Variants in VGLL4 observed in about 807,000 individuals in gnomAD.
The protein encoded by VGLL4 is transcription cofactor vestigial-like protein 4.
Under a neutral mutation model 21.0 loss-of-function variants are expected in VGLL4, and 7 were observed. The ratio of observed to expected loss-of-function variants is 0.33; its 90% CI spans 0.19 to 0.63. VGLL4 has a LOEUF of 0.63. Ranked by LOEUF, VGLL4 falls within the 20% of genes least tolerant of loss-of-function variation. The pLI is 0.78. For missense variants in VGLL4, 394 were observed against 425.7 expected, an observed-to-expected ratio of 0.93 and a Z score of 0.66; for synonymous variants, 222 against 173.2, an observed-to-expected ratio of 1.28 and a Z score of -2.21.
intron 1 of VGLL4, among the ~76,000 whole-genome samples, chr3:11,720,059 A>C (rs1207621786): frequency 6.6e-6 from 1 of 151,896 alleles, no homozygotes; most frequent in African/African-American, 2.4e-5. Context: ...CCACGCGCGC[A>C]CAGTAGGTCC....
chr3:11,642,764 C>G (rs1559919124), intron 1 of VGLL4, among the ~76,000 whole-genome samples: 1 of 152,338 alleles, frequency 6.6e-6, no homozygotes, highest in East Asian at 1.9e-4. Context: ...GCGGCTCTCT[C>G]TTTTTCAGGG....
At chr3:11,703,646 TACAGCATACTATAAAAGCTAA>T (rs1436588242) in intron 1 of VGLL4, among the ~76,000 whole-genome samples, 1 of 152,238 alleles carries the variant, frequency 6.6e-6, no homozygotes, top group African/African-American at 2.4e-5. Context: ...TTCCTTAAAT[TACAGCATACTATAAAAGCTAA>T]AACAGCAAAA....
intron 2 of VGLL4, among the ~76,000 whole-genome samples, chr3:11,596,872 T>C (rs2074658368): frequency 6.6e-6 from 1 of 152,086 alleles, no homozygotes; most frequent in South Asian, 2.1e-4. Flanking sequence ...ATGTAATCCA[T>C]AGTAACGATA....
At chr3:11,688,276 T>C (rs2076479392) in intron 2 of VGLL4, among the ~76,000 whole-genome samples, 1 of 152,208 alleles carries the variant, frequency 6.6e-6, no homozygotes, top group Non-Finnish European at 1.5e-5. Flanking sequence ...TTTAGTATCA[T>C]GTTATATTAG....
Position 11,561,501 on chromosome 3 carries a change from G to A in VGLL4, c.496-2046C>T, listed in dbSNP as rs1380791778. 6.6e-5 allele frequency among the ~76,000 whole-genome samples: 10 copies of A among 152,138 alleles called. 1 individual carries two copies. The highest frequency in any genetic ancestry group is 6.5e-4 in the Admixed American group (10 of 15,274). On this transcript the variant is annotated intron_variant, in intron 3 of 4. Transcript: ENST00000430365. ...CTCCTCCCCACAACCCAGGCTGCAGGGTGGCCCGTGAGCCCTCGTGGGACT... is the reference window on the plus strand; with the variant it reads ...CTCCTCCCCACAACCCAGGCTGCAGAGTGGCCCGTGAGCCCTCGTGGGACT...
chr3:11,663,945 A>G (rs1397415593), intron 2 of VGLL4, among the ~76,000 whole-genome samples: 1 of 152,160 alleles, frequency 6.6e-6, no homozygotes, highest in Non-Finnish European at 1.5e-5. Context: ...CCAACCTAAT[A>G]CAATGTAATG....
In VGLL4 at chr3:11,565,613, C is replaced by T. The variant is rs950488369; in HGVS notation, c.273-594G>A. Among the ~76,000 whole-genome samples, 13 of 152,228 alleles carry T rather than the reference C, an allele frequency of 8.5e-5. No individual in the cohort carries two copies. Among genetic ancestry groups the T allele is most frequent in the Non-Finnish European group, 1.3e-4 (9 of 68,040 alleles). ...CAGCTGACATGTGGTGGCACGTGCTCTGGGGTTCCCGGGGTGCTGTAGGGA... is the reference window on the plus strand; with the variant it reads ...CAGCTGACATGTGGTGGCACGTGCTTTGGGGTTCCCGGGGTGCTGTAGGGA... On this transcript the variant is annotated intron_variant, in intron 2 of 4. Coordinates refer to ENST00000430365, the MANE Select transcript of VGLL4 (RefSeq NM_001128219.3). The surrounding 1 kb of genome is among the most constrained non-coding windows in gnomAD (Gnocchi z 4.1).
upstream of VGLL4, among the ~76,000 whole-genome samples, chr3:11,645,694 G>A (rs755470628): frequency 1.1e-4 from 16 of 150,528 alleles, no homozygotes; most frequent in South Asian, 2.1e-4. Flanking sequence ...TTGGGAGTCC[G>A]GATGCGGTGG....
chr3:11,721,623 A>T (rs1263090521), upstream of VGLL4, among the ~76,000 whole-genome samples: 1 of 152,222 alleles, frequency 6.6e-6, no homozygotes, highest in African/African-American at 2.4e-5. Flanking sequence ...CCTGAGAAAG[A>T]CTGTAAATAG....
chr3:11,602,077 TC>T, intron 1 of VGLL4, 55 bp from the exon 2 acceptor site: 1 of 1,415,790 alleles, frequency 7.1e-7, no homozygotes, highest in Non-Finnish European at 9.2e-7. Context: ...CCCATCTCAG[TC>T]CCCCAGGCTC....
intron 1 of VGLL4, chr3:11,612,618 C>T (rs1007469087): frequency 2.0e-5 from 3 of 152,222 alleles, no homozygotes; most frequent in African/African-American, 7.2e-5. Flanking sequence ...ATTCCCTAGA[C>T]TCTGGCTCTC....
intron 3 of VGLL4, among the ~76,000 whole-genome samples, chr3:11,561,012 G>C (rs1338169121): frequency 6.6e-6 from 1 of 152,018 alleles, no homozygotes; most frequent in African/African-American, 2.4e-5. Context: ...AGAATACCGA[G>C]ACCTGGACAC....
At chr3:11,643,375 G>C (rs886097789) in intron 1 of VGLL4, 62 bp downstream of exon 1, 4 of 1,612,882 alleles carry the variant, frequency 2.5e-6, no homozygotes, top group Non-Finnish European at 3.4e-6. Flanking sequence ...CAGGCACCCA[G>C]CACACTGAGG....
At chr3:11,648,008 G>C (rs1206517234), upstream of VGLL4, among the ~76,000 whole-genome samples, 2 of 149,822 alleles carry the variant, frequency 1.3e-5, no homozygotes, top group African/African-American at 4.9e-5. Flanking sequence ...AAAAATACTA[G>C]AAAATATCAA....
At chr3:11,642,652 A>C (rs891401427) in intron 1 of VGLL4, among the ~76,000 whole-genome samples, 1 of 152,180 alleles carries the variant, frequency 6.6e-6, no homozygotes, top group Non-Finnish European at 1.5e-5. Flanking sequence ...CGAGGGCTTA[A>C]GAAATAGATT....
intron 1 of VGLL4, among the ~76,000 whole-genome samples, chr3:11,717,228 C>T (rs566734057): frequency 7.4e-6 from 1 of 134,598 alleles, no homozygotes; most frequent in South Asian, 2.3e-4. Context: ...TTAAAATTTT[C>T]CCGTGTATTT....
intron 1 of VGLL4, among the ~76,000 whole-genome samples, chr3:11,706,275 GT>G: frequency 6.6e-6 from 1 of 152,092 alleles, no homozygotes; most frequent in East Asian, 1.9e-4. Flanking sequence ...GGTATTAAAG[GT>G]TCATCCACAA....
intron 2 of VGLL4, among the ~76,000 whole-genome samples, chr3:11,577,482 A>C (rs2125213310): frequency 6.6e-6 from 1 of 152,048 alleles, no homozygotes; most frequent in East Asian, 1.9e-4. Flanking sequence ...AGTCCCAGCT[A>C]CTCGGGAGGC....
At chr3:11,676,642 A>C (rs2076296382) in intron 2 of VGLL4, among the ~76,000 whole-genome samples, 2 of 151,950 alleles carry the variant, frequency 1.3e-5, no homozygotes. Flanking sequence ...AACAGTTTGA[A>C]TATATTTGGA....
Sources: allele counts gnomAD v4.1 joint callset (sites outside exome capture counted in the v4.1 genomes callset), GRCh38; gene constraint gnomAD v4.1.1; non-coding constraint Gnocchi (gnomAD v3.1); transcripts MANE v1.5; gene names NCBI Gene and HGNC (gene_info 2026-07-23, HGNC 2026-07-21).